The following RPS6KA5 variants were observed in gnomAD, a reference collection of about 807,000 sequenced individuals.
RPS6KA5 encodes the protein ribosomal protein S6 kinase A5.
In RPS6KA5, 27 loss-of-function variants were observed where a neutral mutation model predicts 85.5. The observed-to-expected ratio is 0.32, with a 90% CI of 0.23 to 0.44. The LOEUF (loss-of-function observed/expected upper bound fraction) is 0.44, where lower values mean the gene tolerates loss of function less well. Ranked by LOEUF, RPS6KA5 falls within the 20% of genes least tolerant of loss-of-function variation. The probability of loss-of-function intolerance (pLI) is 1.00; values close to 1 mark genes in which losing one functional copy is unlikely to be tolerated. For missense variants in RPS6KA5, 811 were observed against 980.9 expected (o/e 0.83, Z 2.31); for synonymous variants, 334 against 348.2 (o/e 0.96, Z 0.46).
intron 7 of RPS6KA5, among the ~76,000 whole-genome samples, chr14:90,910,879 G>T (rs1026681117): frequency 1.1e-4 from 16 of 151,996 alleles, no homozygotes; most frequent in African/African-American, 3.6e-4. Flanking sequence ...TAGAGACAGG[G>T]TTTCACCGTG....
intron 7 of RPS6KA5, 55 bp downstream of exon 7, chr14:90,920,151 T>C (rs868196700): frequency 2.7e-6 from 3 of 1,098,794 alleles, no homozygotes; most frequent in Middle Eastern, 2.0e-4. Flanking sequence ...ACCGCAGAAA[T>C]GTGATCAGTT....
At chr14:91,016,098 G>A (rs2041481307) in intron 1 of RPS6KA5, among the ~76,000 whole-genome samples, 1 of 152,186 alleles carries the variant, frequency 6.6e-6, no homozygotes. Flanking sequence ...AACATGAAGT[G>A]TGTAACCCAC....
rs1277787972 is a variant in RPS6KA5, at chr14:90,856,250, T to C, written c.*15824A>G. The C allele has an allele frequency of 6.6e-6, 1 of 152,160 alleles. No individual in the cohort carries two copies. The highest frequency in any genetic ancestry group is 1.5e-5 in the Non-Finnish European group (1 of 68,050). The allele number at this position is 152,160 out of a possible 1,614,324, so 9.4% of individuals were successfully genotyped here. ...AAAGATTTTCCAACCATAACATAAC[T>C]ATGCTTCAGAGTTGATGCCAAAGAA... On this transcript the variant is annotated 3_prime_UTR_variant, in exon 17 of 17. Coordinates refer to ENST00000614987, the MANE Select transcript of RPS6KA5 (RefSeq NM_004755.4).
chr14:90,946,580 C>T (rs925698031), intron 4 of RPS6KA5, among the ~76,000 whole-genome samples: 7 of 152,116 alleles, frequency 4.6e-5, no homozygotes, highest in African/African-American at 1.2e-4. Flanking sequence ...CCTTTCTTTT[C>T]TATGCTCCAT....
chr14:90,961,804 T>C (rs2038809982), intron 3 of RPS6KA5, among the ~76,000 whole-genome samples: 1 of 152,076 alleles, frequency 6.6e-6, no homozygotes, highest in Non-Finnish European at 1.5e-5. Flanking sequence ...CCTGGGCTGT[T>C]TTCTCAAAAA....
At chr14:90,983,851 C>CTT (rs2039939788) in intron 2 of RPS6KA5, among the ~76,000 whole-genome samples, 1 of 138,874 alleles carries the variant, frequency 7.2e-6, no homozygotes, top group African/African-American at 2.7e-5. Context: ...TTCTTTTTTT[C>CTT]TTTCTTTCTT....
Position 90,902,961 on chromosome 14 carries a change from A to G in RPS6KA5, c.966T>C (p.Asn322=). ...CTTTTTTGGCGGCTAAATCATCCCA[A>G]TTTATTTTCTAAAACAAAGAAAGTT... ...IKEHLFFQKI[N]WDDLAAKKVP... Residue 322 remains asparagine (N), a synonymous_variant, in exon 9 of 17, where the codon AAT becomes AAC. Coordinates refer to ENST00000614987, the MANE Select transcript of RPS6KA5 (RefSeq NM_004755.4). The G allele has an allele frequency of 6.2e-7, 1 of 1,610,518 alleles. No individual in the cohort carries two copies. Among genetic ancestry groups the G allele is most frequent in the Middle Eastern group, 1.7e-4 (1 of 6,054 alleles).
chr14:91,002,406 A>G (rs2040830099), intron 1 of RPS6KA5, among the ~76,000 whole-genome samples: 1 of 152,160 alleles, frequency 6.6e-6, no homozygotes, highest in African/African-American at 2.4e-5. Context: ...GCCATTATAA[A>G]ATGACAGAAA....
rs386382140 is a variant in RPS6KA5 at position 90,927,937 on chromosome 14, CTTT to C, written c.619-4744_619-4742del. The stretch of plus-strand genomic sequence containing the variant: ...TTTTTCTCTTTCTTTCTTTTCTTTT[CTTT>C]TTTTTTTTTTTTTGAGACAAGGTCT... On this transcript the variant is annotated intron_variant, in intron 5 of 16. Coordinates refer to ENST00000614987, the MANE Select transcript of RPS6KA5 (RefSeq NM_004755.4). 2.2e-3 allele frequency among the ~76,000 whole-genome samples: 306 copies of C among 136,482 alleles called. 3 individuals are homozygous for C. Among genetic ancestry groups the C allele is most frequent in the Non-Finnish European group, 3.5e-3 (218 of 62,654 alleles). The allele number at this position is 136,482 out of a possible 152,430, so 89.5% of individuals were successfully genotyped here. A position where few individuals can be genotyped will look rare whatever the true frequency, so the allele number is the denominator to read the frequency against.
At chr14:90,887,056 T>C (rs74083891) in intron 14 of RPS6KA5, among the ~76,000 whole-genome samples, 1,873 of 152,346 alleles carry the variant, frequency 0.012, 43 homozygotes, top group African/African-American at 0.042. Flanking sequence ...AATTCAGCCT[T>C]TGTATCTAGA....
intron 14 of RPS6KA5, among the ~76,000 whole-genome samples, chr14:90,885,741 C>CAAAAAAAAAAAAAAAAAAAAAAAAAA (rs11312699): frequency 7.2e-5 from 2 of 27,888 alleles, no homozygotes; most frequent in Non-Finnish European, 1.1e-4. Context: ...GACTCCATCT[C>CAAAAAAAAAAAAAAAAAAAAAAAAAA]AAAAAAAAAA....
At chr14:90,886,344 GTT>G (rs2034226479) in intron 14 of RPS6KA5, among the ~76,000 whole-genome samples, 1 of 152,194 alleles carries the variant, frequency 6.6e-6, no homozygotes, top group Non-Finnish European at 1.5e-5. Context: ...TCACAGGTAT[GTT>G]ATATATCTTA....
chr14:90,882,959 G>T (rs1299696407), intron 14 of RPS6KA5, among the ~76,000 whole-genome samples: 1 of 151,902 alleles, frequency 6.6e-6, no homozygotes, highest in Non-Finnish European at 1.5e-5. Flanking sequence ...CACCACGCCT[G>T]GCTAATTTGT....
intron 5 of RPS6KA5, among the ~76,000 whole-genome samples, chr14:90,934,500 A>G (rs1463914851): frequency 6.6e-6 from 1 of 152,202 alleles, no homozygotes; most frequent in Non-Finnish European, 1.5e-5. Context: ...AGATAAAAAT[A>G]AACTGTGACT....
At chr14:91,020,124 C>T (rs763851966) in intron 1 of RPS6KA5, among the ~76,000 whole-genome samples, 22 of 152,278 alleles carry the variant, frequency 1.4e-4, no homozygotes, top group Middle Eastern at 6.8e-3. Flanking sequence ...AATGGGACCA[C>T]TGTTGTATAG....
intron 2 of RPS6KA5, 137 bp downstream of exon 2, chr14:91,000,951 C>T: frequency 1.8e-6 from 1 of 554,356 alleles, no homozygotes; most frequent in Non-Finnish European, 3.2e-6. Flanking sequence ...ATGGTCTGTT[C>T]ATGTTCTTTG....
chr14:90,884,655 G>C (rs1377362220), intron 14 of RPS6KA5, among the ~76,000 whole-genome samples: 1 of 152,210 alleles, frequency 6.6e-6, no homozygotes, highest in African/African-American at 2.4e-5. Flanking sequence ...TTGGTGGTGA[G>C]ACAGATTCCT....
intron 3 of RPS6KA5, among the ~76,000 whole-genome samples, chr14:90,960,126 G>C (rs569222608): frequency 1.3e-5 from 2 of 152,080 alleles, no homozygotes; most frequent in Non-Finnish European, 2.9e-5. Context: ...TTGGACCAGT[G>C]GGGTTCAGAG....
intron 1 of RPS6KA5, among the ~76,000 whole-genome samples, chr14:91,049,410 T>A (rs1296091): frequency 6.6e-6 from 1 of 151,986 alleles, no homozygotes; most frequent in Non-Finnish European, 1.5e-5. Context: ...GTCAGGAGAT[T>A]GAGACCATCC....
Sources: allele counts gnomAD v4.1 joint callset (sites outside exome capture counted in the v4.1 genomes callset), GRCh38; gene constraint gnomAD v4.1.1; transcripts MANE v1.5; gene names NCBI Gene and HGNC (gene_info 2026-07-23, HGNC 2026-07-21).